The following ERVK3-1 variants were observed in gnomAD, a reference collection of about 807,000 sequenced individuals.
The protein encoded by ERVK3-1 is HERV-K(HML6-1).
At chr19:58,306,810 T>C (rs866688395) in intron 2 of ERVK3-1, among the ~76,000 whole-genome samples, 2 of 152,146 alleles carry the variant, frequency 1.3e-5, no homozygotes, top group Non-Finnish European at 2.9e-5. Context: ...AGTTTATTCA[T>C]GAACACACTC....
chr19:58,306,275 C>T (rs893682734), intron 2 of ERVK3-1, 59 bp downstream of exon 2: 1 of 152,246 alleles, frequency 6.6e-6, no homozygotes, highest in Non-Finnish European at 1.5e-5. Flanking sequence ...TAACATGGGG[C>T]AGAATCTGTC....
downstream of ERVK3-1, among the ~76,000 whole-genome samples, chr19:58,316,146 T>G (rs2051591305): frequency 6.6e-6 from 1 of 152,012 alleles, no homozygotes; most frequent in African/African-American, 2.4e-5. Context: ...AAACCAGATA[T>G]CCCTCTAAAA....
chr19:58,308,399 G>C (rs1230475436), intron 2 of ERVK3-1, among the ~76,000 whole-genome samples: 1 of 152,244 alleles, frequency 6.6e-6, no homozygotes, highest in Non-Finnish European at 1.5e-5. Flanking sequence ...GTGTTTAACA[G>C]AGTGCTGAAA....
chr19:58,316,059 G>C (rs2051590763), downstream of ERVK3-1, among the ~76,000 whole-genome samples: 1 of 152,176 alleles, frequency 6.6e-6, no homozygotes, highest in Non-Finnish European at 1.5e-5. Flanking sequence ...GATGGAGCCT[G>C]AGGTGCCGAG....
chr19:58,306,232 AG>A lies in ERVK3-1; in HGVS notation c.-4+18del, dbSNP rs2051522796. On this transcript the variant is annotated intron_variant, in intron 2 of 3. Transcript: ENST00000413518. ...AGAATATAAGGTCAGTTCCCTGAGA[AG>A]GTATCGGGAGCGGGAGGTTTCTGAA... The A allele has an allele frequency of 6.6e-6, 1 of 152,174 alleles. No homozygotes were observed. Among genetic ancestry groups the A allele is most frequent in the Non-Finnish European group, 1.5e-5 (1 of 68,040 alleles). 9.4% of individuals were successfully genotyped at this position (152,174 alleles called of 1,614,324 possible). A position where few individuals can be genotyped will look rare whatever the true frequency, so the allele number is the denominator to read the frequency against.
In ERVK3-1 at chr19:58,312,504, T is replaced by C. The variant is rs557684183; in HGVS notation, c.294+42T>C. ...TAGAGGCAAAAACATATTGGGCATA[T>C]GTTCCTAACCCACTGGTAGTACGAC... On this transcript the variant is annotated intron_variant, in intron 3 of 3. Transcript: ENST00000413518. The surrounding 1 kb of genome is among the most constrained non-coding windows in gnomAD (Gnocchi z 4.7). 2.5e-6 allele frequency: 1 copy of C among 399,864 alleles called. No individual in the cohort carries two copies. Among genetic ancestry groups the C allele is most frequent in the African/African-American group, 2.1e-5 (1 of 48,740 alleles). 24.8% of individuals were successfully genotyped at this position (399,864 alleles called of 1,614,324 possible).
intron 2 of ERVK3-1, among the ~76,000 whole-genome samples, chr19:58,307,048 G>A (rs1168270809): frequency 6.6e-6 from 1 of 152,206 alleles, no homozygotes; most frequent in African/African-American, 2.4e-5. Flanking sequence ...TCTCACCGCT[G>A]GACATGGGAA....
At chr19:58,315,095 G>A (rs2147972791) in exon 4 of ERVK3-1, 2 of 276,452 alleles carry the variant, frequency 7.2e-6, no homozygotes, top group South Asian at 1.7e-4. Flanking sequence ...CTGACCGACA[G>A]TTATCCCTTC....
chr19:58,306,745 C>T (rs1600469582), intron 2 of ERVK3-1: 1 of 152,212 alleles, frequency 6.6e-6, no homozygotes, highest in Non-Finnish European at 1.5e-5. Flanking sequence ...TGGCGAGCCA[C>T]TAGGACCTTG....
At chr19:58,314,851 G>A (rs1600473805) in exon 4 of ERVK3-1, 2 of 399,586 alleles carry the variant, frequency 5.0e-6, no homozygotes, top group African/African-American at 2.1e-5. Context: ...GTTGGAGGCC[G>A]AAGGAATGAG....
intron 2 of ERVK3-1, chr19:58,311,760 C>G (rs1478285316): frequency 6.4e-6 from 1 of 155,146 alleles, no homozygotes; most frequent in Non-Finnish European, 1.4e-5. Flanking sequence ...ATATGGGGGT[C>G]CCTAAACAAT....
chr19:58,307,560 G>T (rs921377561), intron 2 of ERVK3-1, among the ~76,000 whole-genome samples: 4 of 148,700 alleles, frequency 2.7e-5, no homozygotes, highest in African/African-American at 1.0e-4. Context: ...TTTCAAAAAA[G>T]AATACCATCA....
At position 58,312,044 on chromosome 19, in the gene ERVK3-1, A is replaced by G; in HGVS notation, c.-3-122A>G. The G allele has an allele frequency of 2.5e-6, 1 of 397,668 alleles. No homozygotes were observed. Among genetic ancestry groups the G allele is most frequent in the Non-Finnish European group, 4.4e-6 (1 of 225,876 alleles). 24.6% of individuals were successfully genotyped at this position (397,668 alleles called of 1,614,324 possible). On this transcript the variant is annotated intron_variant, in intron 2 of 3. Transcript: ENST00000413518. The surrounding 1 kb of genome is among the most constrained non-coding windows in gnomAD (Gnocchi z 4.7). ...AGACCCCAGCAGAACGACACTGGCA[A>G]CTGCTAGAGGAAAAGAGGCAAGTTT...
intron 2 of ERVK3-1, chr19:58,309,689 T>C (rs1365206900): frequency 1.3e-5 from 2 of 152,264 alleles, no homozygotes; most frequent in Non-Finnish European, 2.9e-5. Context: ...TCAGGACTTT[T>C]AGCTCAATTC....
chr19:58,307,347 G>T (rs1323698658), intron 2 of ERVK3-1, among the ~76,000 whole-genome samples: 2 of 152,204 alleles, frequency 1.3e-5, no homozygotes, highest in South Asian at 2.1e-4. Context: ...TGCAAATGCA[G>T]ATTGTAAATG....
In ERVK3-1 at chr19:58,312,081, T is replaced by C; in HGVS notation, c.-3-85T>C. Reference sequence around the variant, plus strand: ...AAAGAGGCAAGTTTATCCAAAAGTGTTATGGAAATCCCCAGAAGAAGGACA... The same window carrying C: ...AAAGAGGCAAGTTTATCCAAAAGTGCTATGGAAATCCCCAGAAGAAGGACA... On this transcript the variant is annotated intron_variant, in intron 2 of 3. Coordinates refer to ENST00000413518, the Ensembl canonical transcript of ERVK3-1. This position sits in a 1 kb window ranked among gnomAD's most constrained non-coding sequence, Gnocchi z 4.7. The C allele has an allele frequency of 2.5e-6, 1 of 398,722 alleles. No individual in the cohort carries two copies. Among genetic ancestry groups the C allele is most frequent in the Non-Finnish European group, 4.4e-6 (1 of 226,026 alleles). The allele number at this position is 398,722 out of a possible 1,614,324, so 24.7% of individuals were successfully genotyped here.
At chr19:58,305,873 G>C (rs1262751336) in intron 1 of ERVK3-1, among the ~76,000 whole-genome samples, 1 of 152,198 alleles carries the variant, frequency 6.6e-6, no homozygotes, top group East Asian at 1.9e-4. Context: ...GGAACCTGCT[G>C]AACAAAGAAA....
At chr19:58,314,544 G>A (rs536435398) in intron 3 of ERVK3-1, among the ~76,000 whole-genome samples, 3 of 148,612 alleles carry the variant, frequency 2.0e-5, no homozygotes, top group South Asian at 2.1e-4. Context: ...GGAGAATGAC[G>A]TGAACCCGGG....
At chr19:58,305,581 G>T (rs1307978595) in intron 1 of ERVK3-1, 136 bp downstream of exon 1, 1 of 148,830 alleles carries the variant, frequency 6.7e-6, no homozygotes, top group African/African-American at 2.4e-5. Flanking sequence ...GGGTCGGCGC[G>T]GGCAGAGAGG....
Sources: gnomAD v4.1 joint callset for allele counts (sites outside exome capture counted in the v4.1 genomes callset) on GRCh38, gnomAD v4.1.1 for gene constraint, Gnocchi (gnomAD v3.1) non-coding constraint, MANE v1.5 for transcripts, NCBI Gene and HGNC (gene_info 2026-07-23, HGNC 2026-07-21) for gene names.